PRPF6: variants seen among roughly 807,000 people sequenced by gnomAD.
PRPF6 encodes the protein pre-mRNA processing factor 6.
Under a neutral mutation model 118.3 loss-of-function variants are expected in PRPF6, and 42 were observed. That is an observed-to-expected ratio of 0.35 (90% CI 0.28 to 0.46). PRPF6 has a LOEUF of 0.46. Ranked by LOEUF, PRPF6 falls within the 20% of genes least tolerant of loss-of-function variation. The probability of loss-of-function intolerance (pLI) is 1.00; values close to 1 mark genes in which losing one functional copy is unlikely to be tolerated. For synonymous variants in PRPF6, 481 were observed against 485.1 expected (o/e 0.99, Z 0.11); for missense variants, 662 against 1,255.7 (o/e 0.53, Z 7.15).
chr20:64,025,083 C>T (rs2059282622), intron 14 of PRPF6, among the ~76,000 whole-genome samples: 1 of 152,136 alleles, frequency 6.6e-6, no homozygotes, highest in South Asian at 2.1e-4. Flanking sequence ...TTTATTTTCA[C>T]ATATAACATC....
rs185623707 is a variant in PRPF6, at chr20:64,017,189, C to T, written c.1647+344C>T. Among the ~76,000 whole-genome samples, 407 of 152,346 alleles carry T rather than the reference C, an allele frequency of 2.7e-3. 2 individuals are homozygous for T. The highest frequency in any genetic ancestry group is 9.3e-3 in the African/African-American group (387 of 41,582). Reference sequence around the variant, plus strand: ...AATCTCCTGACCTCGTGATCCACCCCGCCTTGGCTTCCCAAAGTGCTGGGA... The same window carrying T: ...AATCTCCTGACCTCGTGATCCACCCTGCCTTGGCTTCCCAAAGTGCTGGGA... On this transcript the variant is annotated intron_variant, in intron 12 of 20. Transcript: ENST00000266079.
In PRPF6 at chr20:64,032,925, G is replaced by T. The variant is rs766740751; in HGVS notation, c.2758G>T (p.Ala920Ser). ...GTGGTGCGCCGTGTCCAAGGACATC[G>T]CCAACTGGCAGAAGAAGATCGGGGA... is the stretch of plus-strand genomic sequence containing the variant. Reference protein sequence around the residue: ...ELWCAVSKDIANWQKKIGDIL... With the variant: ...ELWCAVSKDISNWQKKIGDIL... The change falls in exon 21 of 21, where the codon GCC (alanine) becomes TCC (serine). Residue 920 changes from alanine to serine, a missense_variant. This residue lies in a region of PRPF6 where 244 missense variants were observed against 383.7 expected (regional missense o/e 0.64). Coordinates refer to ENST00000266079, the MANE Select transcript of PRPF6 (RefSeq NM_012469.4). 6.2e-7 allele frequency: 1 copy of T among 1,613,296 alleles called. No homozygotes were observed. The highest frequency in any genetic ancestry group is 8.5e-7 in the Non-Finnish European group (1 of 1,180,038).
intron 9 of PRPF6, 150 bp downstream of exon 9, chr20:64,001,389 T>C (rs373468817): frequency 2.1e-6 from 2 of 949,032 alleles, no homozygotes; most frequent in East Asian, 2.6e-5. Context: ...GCCTCTGCCC[T>C]TGGACCCCCA....
intron 11 of PRPF6, among the ~76,000 whole-genome samples, chr20:64,016,328 C>T (rs1467790991): frequency 6.6e-6 from 1 of 151,984 alleles, no homozygotes; most frequent in Admixed American, 6.6e-5. Context: ...AGGGTTTCAC[C>T]AGGTTGGCCA....
intron 10 of PRPF6, among the ~76,000 whole-genome samples, chr20:64,010,995 C>G (rs147389687): frequency 1.2e-3 from 179 of 152,276 alleles, no homozygotes; most frequent in African/African-American, 4.0e-3. Flanking sequence ...TCGTCTGTGC[C>G]AGCCCCTGGT....
rs545040003 is a variant in PRPF6 at position 64,010,655 on chromosome 20, G to C, written c.1305+337G>C. 2.0e-5 allele frequency among the ~76,000 whole-genome samples: 3 copies of C among 152,326 alleles called. No individual in the cohort carries two copies. The East Asian group carries it at 5.8e-4, about 29-fold the overall frequency. On this transcript the variant is annotated intron_variant, in intron 10 of 20. Coordinates refer to ENST00000266079, the MANE Select transcript of PRPF6 (RefSeq NM_012469.4). ...TCATGGGAGCCGAAGGTGGCAGCGT[G>C]ATAGAAAACATTGCTTTCTGTCAGC... is the stretch of plus-strand genomic sequence containing the variant.
chr20:64,006,316 C>CT lies in PRPF6; in HGVS notation c.1187-3866dup, dbSNP rs5842437. 5.6e-4 allele frequency among the ~76,000 whole-genome samples: 57 copies of CT among 102,482 alleles called. 1 individual carries two copies. The highest frequency in any genetic ancestry group is 1.1e-3 in the African/African-American group (31 of 27,718). The allele number at this position is 102,482 out of a possible 152,430, so 67.2% of individuals were successfully genotyped here. ...CCTTTGGAGTAGCTCGTAGCTTGCT[C>CT]TTTTTTTTTTTTTTTTTTGAGACTG... On this transcript the variant is annotated intron_variant, in intron 9 of 20. Transcript: ENST00000266079.
chr20:64,032,155 G>C, intron 20 of PRPF6, 111 bp downstream of exon 20: 1 of 1,544,110 alleles, frequency 6.5e-7, no homozygotes, highest in Non-Finnish European at 8.9e-7. Context: ...CTCTGCCCGG[G>C]GTCGGGAGGA....
At chr20:63,989,519 A>C (rs991326771) in intron 3 of PRPF6, among the ~76,000 whole-genome samples, 1 of 152,160 alleles carries the variant, frequency 6.6e-6, no homozygotes, top group Non-Finnish European at 1.5e-5. Context: ...ACATTTATTC[A>C]TAAGTCTAGA....
intron 20 of PRPF6, among the ~76,000 whole-genome samples, chr20:64,032,528 C>T (rs1188199748): frequency 1.3e-5 from 2 of 152,218 alleles, no homozygotes; most frequent in Non-Finnish European, 2.9e-5. Flanking sequence ...GTTGCCAGCC[C>T]ACGTGAACCC....
At chr20:63,995,980 AT>A (rs2123009445) in intron 6 of PRPF6, among the ~76,000 whole-genome samples, 1 of 152,104 alleles carries the variant, frequency 6.6e-6, no homozygotes, top group Admixed American at 6.6e-5. Flanking sequence ...TAAAATAATA[AT>A]TTTTTAAAAA....
intron 6 of PRPF6, among the ~76,000 whole-genome samples, chr20:63,997,518 G>A (rs994972980): frequency 2.7e-5 from 4 of 150,270 alleles, no homozygotes; most frequent in African/African-American, 9.8e-5. Context: ...GTGCAGTGGT[G>A]TGATCTCGGC....
intron 3 of PRPF6, among the ~76,000 whole-genome samples, chr20:63,988,905 A>C (rs1385742309): frequency 1.3e-5 from 2 of 152,134 alleles, no homozygotes; most frequent in Admixed American, 6.6e-5. Flanking sequence ...TAATTCTAAA[A>C]TGTACATGGA....
chr20:64,031,873 T>C, intron 19 of PRPF6, 45 bp from the exon 20 acceptor site: 1 of 1,613,574 alleles, frequency 6.2e-7, no homozygotes, highest in East Asian at 2.2e-5. Context: ...CAGAATACCG[T>C]CCTGCAGCCA....
At chr20:63,988,033 A>G (rs1282226838) in intron 3 of PRPF6, among the ~76,000 whole-genome samples, 2 of 151,634 alleles carry the variant, frequency 1.3e-5, no homozygotes, top group African/African-American at 2.4e-5. Context: ...AAAAATTACA[A>G]AAGTTGCCAG....
At chr20:64,007,277 A>G (rs2059194321) in intron 9 of PRPF6, among the ~76,000 whole-genome samples, 1 of 152,162 alleles carries the variant, frequency 6.6e-6, no homozygotes, top group South Asian at 2.1e-4. Flanking sequence ...CTGAGTGTTC[A>G]TTCCCTGCCA....
rs892414596 is a variant in PRPF6, at chr20:64,032,172, G to A, written c.2673+128G>A. On this transcript the variant is annotated intron_variant, in intron 20 of 20. Transcript: ENST00000266079. ...CTGCCCGGGGTCGGGAGGATGGACC[G>A]GGTGTGTGGGGCACAGAATCCTCGA... is the stretch of plus-strand genomic sequence containing the variant. 1.0e-4 allele frequency: 145 copies of A among 1,421,910 alleles called. 1 individual carries two copies. The highest frequency in any genetic ancestry group is 2.8e-4 in the South Asian group (24 of 86,076). 88.1% of individuals were successfully genotyped at this position (1,421,910 alleles called of 1,614,324 possible). A position where few individuals can be genotyped will look rare whatever the true frequency, so the allele number is the denominator to read the frequency against.
Position 63,999,672 on chromosome 20 carries a change from G to T in PRPF6, c.936G>T (p.Trp312Cys). 4.3e-6 allele frequency: 7 copies of T among 1,614,174 alleles called. No individual in the cohort carries two copies. The highest frequency in any genetic ancestry group is 5.9e-6 in the Non-Finnish European group (7 of 1,180,036). Residue 312 changes from tryptophan to cysteine, a missense_variant, in exon 8 of 21, where the codon TGG (tryptophan) becomes TGT (cysteine). Trp to Cys is a radical substitution (Grantham distance 215, BLOSUM62 -2). This residue lies in a region of PRPF6 where 71 missense variants were observed against 166.4 expected (regional missense o/e 0.43). Coordinates refer to ENST00000266079, the MANE Select transcript of PRPF6 (RefSeq NM_012469.4). Reference sequence around the variant, plus strand: ...CGAACCCTCATCACCCGCCAGCCTGGATTGCATCAGCCCGCCTGGAAGAAG... The same window carrying T: ...CGAACCCTCATCACCCGCCAGCCTGTATTGCATCAGCCCGCCTGGAAGAAG... ...RETNPHHPPA[W>C]IASARLEEVT...
Position 64,012,957 on chromosome 20 carries a change from CTT to C in PRPF6, c.1524+1472_1524+1473del, listed in dbSNP as rs763243601. Among the ~76,000 whole-genome samples the C allele has an allele frequency of 2.5e-3, 328 of 129,928 alleles. 2 individuals are homozygous for C. Among genetic ancestry groups the C allele is most frequent in the African/African-American group, 9.0e-3 (307 of 34,246 alleles). The allele number at this position is 129,928 out of a possible 152,430, so 85.2% of individuals were successfully genotyped here. The stretch of plus-strand genomic sequence containing the variant: ...TTACTCTTCCCCTCTCCCCCACACC[CTT>C]TTTTTTTTTTTTTTTTTGAGAGGGA... On this transcript the variant is annotated intron_variant, in intron 11 of 20. Coordinates refer to ENST00000266079, the MANE Select transcript of PRPF6 (RefSeq NM_012469.4).
Sources: allele counts gnomAD v4.1 joint callset (sites outside exome capture counted in the v4.1 genomes callset), GRCh38; gene constraint gnomAD v4.1.1; regional missense constraint gnomAD v4.1.1; transcripts MANE v1.5; gene names NCBI Gene and HGNC (gene_info 2026-07-23, HGNC 2026-07-21).